Variants in SLC5A5 observed in about 807,000 individuals in gnomAD.
The protein encoded by SLC5A5 is solute carrier family 5 member 5, also known as sodium/iodide cotransporter.
Under a neutral mutation model 68.6 loss-of-function variants are expected in SLC5A5, and 56 were observed. The ratio of observed to expected loss-of-function variants is 0.82; its 90% CI spans 0.66 to 1.02. SLC5A5 has a LOEUF of 1.02. Among genes scored for constraint, SLC5A5 ranks in the 50% least tolerant of loss-of-function variants. The pLI is 0.00. For synonymous variants in SLC5A5, 398 were observed against 373.0 expected, an observed-to-expected ratio of 1.07 and a Z score of -0.77; for missense variants, 807 against 859.8, an observed-to-expected ratio of 0.94 and a Z score of 0.77.
At position 17,883,920 on chromosome 19, in the gene SLC5A5, C is replaced by T; in HGVS notation, c.1400C>T (p.Pro467Leu). The T allele has an allele frequency of 6.4e-7, 1 of 1,565,498 alleles. No individual in the cohort carries two copies. The highest frequency in any genetic ancestry group is 8.6e-7 in the Non-Finnish European group (1 of 1,156,664). ...GTGGCCTTGGGCGCCACGCTGTACCCACCCAGCGAGCAGACCATGAGGGTC... is the reference window on the plus strand; with the variant it reads ...GTGGCCTTGGGCGCCACGCTGTACCTACCCAGCGAGCAGACCATGAGGGTC... ...LWVALGATLY[P>L]PSEQTMRVLP... Residue 467 changes from proline (P) to leucine (L), a missense_variant, in exon 12 of 15, where the codon CCA (proline) becomes CTA (leucine). By Grantham distance (98) the Pro-to-Leu change is moderately conservative. Transcript: ENST00000222248.
In SLC5A5 at chr19:17,883,726, G is replaced by T; in HGVS notation, c.1288G>T (p.Ala430Ser). 6.3e-7 allele frequency: 1 copy of T among 1,596,718 alleles called. No individual in the cohort carries two copies. Among genetic ancestry groups the T allele is most frequent in the Non-Finnish European group, 8.5e-7 (1 of 1,171,086 alleles). ...AGTCATCAGCGGCCCCCTGCTGGGA[G>T]CCTTCATCTTGGGAATGTTCCTGCC... Reference protein sequence around the residue: ...MGVISGPLLGAFILGMFLPAC... With the variant: ...MGVISGPLLGSFILGMFLPAC... The change falls in exon 11 of 15, where the codon GCC becomes TCC. Residue 430 changes from alanine (A) to serine (S), a missense_variant. Coordinates refer to ENST00000222248, the MANE Select transcript of SLC5A5 (RefSeq NM_000453.3).
chr19:17,892,982 C>A (rs2030246241), intron 14 of SLC5A5, among the ~76,000 whole-genome samples: 1 of 146,476 alleles, frequency 6.8e-6, no homozygotes, highest in African/African-American at 2.5e-5. Context: ...TTCCTCTTTT[C>A]TTTTCCTTTC....
Position 17,893,900 on chromosome 19 carries a change from G to GAC in SLC5A5, c.*26_*27dup. The GAC allele has an allele frequency of 6.4e-7, 1 of 1,552,032 alleles. No homozygotes were observed. ...TGAGGACAGGGCCAGCCGCGGGACT[G>GAC]ACACCCTGGGATGGAACCTCAGGAT... is the stretch of plus-strand genomic sequence containing the variant. On this transcript the variant is annotated 3_prime_UTR_variant, in exon 15 of 15. Transcript: ENST00000222248.
Position 17,890,414 on chromosome 19 carries a change from A to T in SLC5A5, c.1652-472A>T, listed in dbSNP as rs117793533. Among the ~76,000 whole-genome samples, 1,516 of 150,648 alleles carry T rather than the reference A, an allele frequency of 0.01. 63 individuals carry two copies. The East Asian group carries it at 0.15, about 15-fold the overall frequency. Reference sequence around the variant, plus strand: ...TGTTTTGTTTTGTTTTGTTTTAGAAACAGGGTCTCACTCTGTCACCAAGCT... The same window carrying T: ...TGTTTTGTTTTGTTTTGTTTTAGAATCAGGGTCTCACTCTGTCACCAAGCT... On this transcript the variant is annotated intron_variant, in intron 13 of 14. Coordinates refer to ENST00000222248, the MANE Select transcript of SLC5A5 (RefSeq NM_000453.3).
In SLC5A5 at chr19:17,883,733, T is replaced by A. The variant is rs531104507; in HGVS notation, c.1295T>A (p.Ile432Asn). 14 of 1,611,922 alleles carry A rather than the reference T, an allele frequency of 8.7e-6. No homozygotes were observed. The African/African-American group carries it at 1.7e-4, about 20-fold the overall frequency. Reference sequence around the variant, plus strand: ...AGCGGCCCCCTGCTGGGAGCCTTCATCTTGGGAATGTTCCTGCCGGCCTGC... The same window carrying A: ...AGCGGCCCCCTGCTGGGAGCCTTCAACTTGGGAATGTTCCTGCCGGCCTGC... ...VISGPLLGAF[I>N]LGMFLPACNT... The change falls in exon 11 of 15, where the codon ATC becomes AAC. Residue 432 changes from isoleucine to asparagine, a missense_variant. Ile to Asn is a moderately radical substitution (Grantham distance 149, BLOSUM62 -3). Transcript: ENST00000222248.
rs1162300129 is a variant in SLC5A5, at chr19:17,872,151, C to T, written c.-169C>T. 5 of 602,552 alleles carry T rather than the reference C, an allele frequency of 8.3e-6. No homozygotes were observed. In the Admixed American group the frequency reaches 8.8e-5, roughly 11 times the overall value. 37.3% of individuals were successfully genotyped at this position (602,552 alleles called of 1,614,324 possible). A position where few individuals can be genotyped will look rare whatever the true frequency, so the allele number is the denominator to read the frequency against. On this transcript the variant is annotated 5_prime_UTR_variant, in exon 1 of 15. Coordinates refer to ENST00000222248, the MANE Select transcript of SLC5A5 (RefSeq NM_000453.3). ...ATCGACAGCCCATAGATTCCTAACC[C>T]AGGGAGCCCCGGCCCCTCTCGCCGC...
chr19:17,878,110 C>T lies in SLC5A5; in HGVS notation c.969+17C>T. On this transcript the variant is annotated intron_variant, in intron 7 of 14. Coordinates refer to ENST00000222248, the MANE Select transcript of SLC5A5 (RefSeq NM_000453.3). ...CCAGACCAGGTGAGTCCCACCCAGG[C>T]TCCTGGTTGGCTCTGCACTCCCTCA... The T allele has an allele frequency of 6.2e-7, 1 of 1,608,662 alleles. No homozygotes were observed.
chr19:17,878,982 A>C (rs1189446335), intron 7 of SLC5A5, among the ~76,000 whole-genome samples: 5 of 149,132 alleles, frequency 3.4e-5, no homozygotes, highest in African/African-American at 9.8e-5. Context: ...CTCAAAAAAA[A>C]AAAAAACAAA....
rs139517463 is a variant in SLC5A5, at chr19:17,876,070, C to A, written c.662C>A (p.Thr221Lys). The A allele has an allele frequency of 6.2e-7, 1 of 1,614,186 alleles. No individual in the cohort carries two copies. Among genetic ancestry groups the A allele is most frequent in the South Asian group, 1.1e-5 (1 of 91,084 alleles). ...GTGGGCGGGCCCCGCCAGGTGCTCA[C>A]GCTGGCCCAGAACCACTCCCGGATC... ...MLVGGPRQVL[T>K]LAQNHSRINL... The change falls in exon 5 of 15, where the codon ACG (threonine) becomes AAG (lysine). Residue 221 changes from threonine (T) to lysine (K), a missense_variant. By Grantham distance (78) the Thr-to-Lys change is moderately conservative. Coordinates refer to ENST00000222248, the MANE Select transcript of SLC5A5 (RefSeq NM_000453.3).
chr19:17,891,382 T>G (rs1213089157), intron 14 of SLC5A5, among the ~76,000 whole-genome samples: 1 of 152,048 alleles, frequency 6.6e-6, no homozygotes. Flanking sequence ...ATTTTTATGT[T>G]TTTAGTAGAG....
chr19:17,883,530 G>A (rs1043127733), intron 10 of SLC5A5, 151 bp from the exon 11 acceptor site: 3 of 727,988 alleles, frequency 4.1e-6, no homozygotes, highest in Non-Finnish European at 7.5e-6. Flanking sequence ...CAAGGGGGGG[G>A]GGTCCTCTCC....
intron 7 of SLC5A5, among the ~76,000 whole-genome samples, chr19:17,880,346 C>A (rs1357861243): frequency 6.6e-6 from 1 of 151,850 alleles, no homozygotes; most frequent in Admixed American, 6.6e-5. Context: ...TCCCAAGTAG[C>A]TGGGACTCCA....
intron 12 of SLC5A5, among the ~76,000 whole-genome samples, chr19:17,886,595 A>G (rs1235780955): frequency 6.6e-6 from 1 of 152,182 alleles, no homozygotes; most frequent in Admixed American, 6.6e-5. Context: ...GGCCTGAGCC[A>G]CCACGCCCGG....
At chr19:17,886,007 T>C (rs191796353) in intron 12 of SLC5A5, among the ~76,000 whole-genome samples, 2 of 152,062 alleles carry the variant, frequency 1.3e-5, no homozygotes, top group East Asian at 3.9e-4. Flanking sequence ...GTCACAGGCA[T>C]ATGCCACCAC....
At chr19:17,873,250 C>T (rs1042949108) in intron 1 of SLC5A5, among the ~76,000 whole-genome samples, 4 of 151,446 alleles carry the variant, frequency 2.6e-5, no homozygotes, top group African/African-American at 9.7e-5. Flanking sequence ...CACCTGAGGT[C>T]AGGAGTTCAA....
intron 5 of SLC5A5, among the ~76,000 whole-genome samples, chr19:17,876,444 G>T: frequency 8.2e-6 from 1 of 121,916 alleles, no homozygotes; most frequent in African/African-American, 3.7e-5. Flanking sequence ...AAAAAAAAAA[G>T]AGGCTGGGTG....
chr19:17,875,174 A>C (rs10401903), intron 4 of SLC5A5, among the ~76,000 whole-genome samples: 38,506 of 151,924 alleles, frequency 0.25, 5,029 homozygotes, highest in Non-Finnish European at 0.27. Flanking sequence ...GTTCGAGACC[A>C]GCCTGGCCAA....
At position 17,872,477 on chromosome 19, in the gene SLC5A5, G is replaced by C; in HGVS notation, c.158G>C (p.Arg53Pro). 6.2e-7 allele frequency: 1 copy of C among 1,611,394 alleles called. No homozygotes were observed. ...SAEDFFTGGR[R>P]LAALPVGLSL... ...GAGGACTTCTTCACCGGGGGCCGGC[G>C]CCTGGCGGCCCTGCCCGTGGGCCTG... The change falls in exon 1 of 15, where the codon CGC (arginine) becomes CCC (proline). Residue 53 changes from arginine to proline, a missense_variant. Coordinates refer to ENST00000222248, the MANE Select transcript of SLC5A5 (RefSeq NM_000453.3).
At chr19:17,875,775 C>A (rs890290594) in intron 4 of SLC5A5, among the ~76,000 whole-genome samples, 177 bp from the exon 5 acceptor site, 1 of 152,120 alleles carries the variant, frequency 6.6e-6, no homozygotes, top group East Asian at 1.9e-4. Flanking sequence ...GAAACCTTTT[C>A]TTTAAAAATA....
Sources: gnomAD v4.1 joint callset for allele counts (sites outside exome capture counted in the v4.1 genomes callset) on GRCh38, gnomAD v4.1.1 for gene constraint, MANE v1.5 for transcripts, NCBI Gene and HGNC (gene_info 2026-07-23, HGNC 2026-07-21) for gene names.